Variants in AK7 observed in about 807,000 individuals in gnomAD.
AK7 encodes the protein adenylate kinase 7.
A neutral mutation model predicts 96.6 loss-of-function variants in AK7; 78 were observed. That is an observed-to-expected ratio of 0.81 (90% confidence interval 0.67 to 0.97). The LOEUF is 0.97. Ranked by LOEUF, AK7 falls within the 50% of genes least tolerant of loss-of-function variation. The probability of loss-of-function intolerance (pLI) is 0.00; values close to 1 mark genes in which losing one functional copy is unlikely to be tolerated. For synonymous variants in AK7, 302 were observed against 317.2 expected, an observed-to-expected ratio of 0.95 and a Z score of 0.51; for missense variants, 855 against 887.9, an observed-to-expected ratio of 0.96 and a Z score of 0.47.
chr14:96,432,828 C>CAAAA (rs569057680), intron 5 of AK7, among the ~76,000 whole-genome samples: 19 of 125,990 alleles, frequency 1.5e-4, no homozygotes, highest in African/African-American at 3.3e-4. Flanking sequence ...ACTAAAAATA[C>CAAAA]AAAAAAAAAA....
chr14:96,452,871 G>A (rs1893687404), intron 10 of AK7, among the ~76,000 whole-genome samples: 3 of 152,170 alleles, frequency 2.0e-5, no homozygotes, highest in Admixed American at 2.0e-4. Context: ...TAACTGCAGG[G>A]CCGCCACACC....
chr14:96,421,073 T>A, intron 5 of AK7, 141 bp downstream of exon 5: 1 of 548,526 alleles, frequency 1.8e-6, no homozygotes. Flanking sequence ...CTGGCCCAGG[T>A]TCTGGTCCAG....
intron 5 of AK7, among the ~76,000 whole-genome samples, chr14:96,430,914 TG>T (rs1342333187): frequency 6.6e-6 from 1 of 152,186 alleles, no homozygotes; most frequent in Admixed American, 6.6e-5. Context: ...GGACTATTTT[TG>T]GTTGGTAGAC....
intron 12 of AK7, among the ~76,000 whole-genome samples, chr14:96,460,415 G>A (rs1044742604): frequency 1.3e-5 from 2 of 152,028 alleles, no homozygotes; most frequent in Non-Finnish European, 2.9e-5. Flanking sequence ...GATCCTCCAG[G>A]GATCAAGGAC....
Position 96,434,779 on chromosome 14 carries a change from T to C in AK7, c.610-3056T>C, listed in dbSNP as rs1892550255. 1.3e-5 allele frequency among the ~76,000 whole-genome samples: 2 copies of C among 152,176 alleles called. 1 individual carries two copies. Among genetic ancestry groups the C allele is most frequent in the South Asian group, 4.1e-4 (2 of 4,834 alleles). On this transcript the variant is annotated intron_variant, in intron 5 of 17. Coordinates refer to ENST00000267584, the MANE Select transcript of AK7 (RefSeq NM_152327.5). Reference sequence around the variant, plus strand: ...AAGTCTACCTGGCGTTCTATTGTATTGCGGCTGAGCTAGCACTCACACCAC... The same window carrying C: ...AAGTCTACCTGGCGTTCTATTGTATCGCGGCTGAGCTAGCACTCACACCAC...
chr14:96,418,926 T>C (rs1296075006), intron 4 of AK7, among the ~76,000 whole-genome samples: 1 of 152,244 alleles, frequency 6.6e-6, no homozygotes, highest in Non-Finnish European at 1.5e-5. Context: ...TGTATTGTGA[T>C]TGAAAGGTTC....
intron 1 of AK7, 49 bp downstream of exon 1, chr14:96,392,308 G>T (rs1340477053): frequency 6.6e-7 from 1 of 1,524,740 alleles, no homozygotes; most frequent in South Asian, 1.1e-5. Flanking sequence ...TCAGCTCCCA[G>T]CCCTCGGCCC....
rs570376981 is a variant in AK7, at chr14:96,392,336, C to A, written c.105+77C>A. ...CTCGGCCCCCGGTCCGCAAACCCAGCGAGGGTCTGCGCCCCAGGGCGCTGT... is the reference window on the plus strand; with the variant it reads ...CTCGGCCCCCGGTCCGCAAACCCAGAGAGGGTCTGCGCCCCAGGGCGCTGT... On this transcript the variant is annotated intron_variant, in intron 1 of 17. Coordinates refer to ENST00000267584, the MANE Select transcript of AK7 (RefSeq NM_152327.5). 7.1e-5 allele frequency: 94 copies of A among 1,321,950 alleles called. 2 individuals carry two copies. The highest frequency in any genetic ancestry group is 6.1e-4 in the East Asian group (26 of 42,562). The allele number at this position is 1,321,950 out of a possible 1,614,324, so 81.9% of individuals were successfully genotyped here. A position where few individuals can be genotyped will look rare whatever the true frequency, so the allele number is the denominator to read the frequency against.
intron 7 of AK7, 43 bp downstream of exon 7, chr14:96,442,861 A>T: frequency 6.4e-7 from 1 of 1,554,706 alleles, no homozygotes; most frequent in South Asian, 1.1e-5. Flanking sequence ...GAATTGGTTA[A>T]TGTGTTTGTT....
At chr14:96,423,649 C>A in intron 5 of AK7, 1 of 613,828 alleles carries the variant, frequency 1.6e-6, no homozygotes, top group Non-Finnish European at 3.1e-6. Flanking sequence ...AACTGGAGAA[C>A]ACAGCTCGGG....
intron 5 of AK7, among the ~76,000 whole-genome samples, chr14:96,433,524 G>T (rs1224310028): frequency 6.6e-6 from 1 of 151,286 alleles, no homozygotes; most frequent in African/African-American, 2.4e-5. Flanking sequence ...GCTCCTTCAG[G>T]TCATTTAAGG....
At chr14:96,449,976 C>T (rs1893497316) in intron 9 of AK7, 97 bp downstream of exon 9, 1 of 963,010 alleles carries the variant, frequency 1.0e-6, no homozygotes, top group East Asian at 2.7e-5. Flanking sequence ...GGCTAAATAA[C>T]ATTGATCTGT....
chr14:96,432,987 G>A (rs577076741), intron 5 of AK7, among the ~76,000 whole-genome samples: 1 of 152,154 alleles, frequency 6.6e-6, no homozygotes, highest in Non-Finnish European at 1.5e-5. Flanking sequence ...GAATGATGTT[G>A]AATATTGGCC....
chr14:96,418,811 G>A (rs886301924), intron 4 of AK7, among the ~76,000 whole-genome samples: 2 of 152,166 alleles, frequency 1.3e-5, no homozygotes, highest in African/African-American at 2.4e-5. Context: ...GGGCCACCTC[G>A]CCTAGCCTCA....
chr14:96,444,863 G>A (rs1418383178), intron 7 of AK7, among the ~76,000 whole-genome samples: 2 of 152,040 alleles, frequency 1.3e-5, no homozygotes, highest in East Asian at 1.9e-4. Flanking sequence ...GACTACAGGC[G>A]CCGGCCACCA....
At position 96,486,955 on chromosome 14, in the gene AK7, A is replaced by G; in HGVS notation, c.2032A>G (p.Ile678Val). ...EERELLEAQS[I>V]PLRNYLMTYV... Reference sequence around the variant, plus strand: ...AAGAGAATTACTGGAGGCTCAGTCAATTCCCCTGAGAAACTATTTAATGAC... The same window carrying G: ...AAGAGAATTACTGGAGGCTCAGTCAGTTCCCCTGAGAAACTATTTAATGAC... The change falls in exon 17 of 18, where the codon ATT becomes GTT. Residue 678 changes from isoleucine to valine, a missense_variant. Coordinates refer to ENST00000267584, the MANE Select transcript of AK7 (RefSeq NM_152327.5). 6.2e-7 allele frequency: 1 copy of G among 1,614,110 alleles called. No homozygotes were observed. The highest frequency in any genetic ancestry group is 1.6e-4 in the Middle Eastern group (1 of 6,062).
chr14:96,392,341 G>T (rs1025303055), intron 1 of AK7, 82 bp downstream of exon 1: 3 of 1,309,132 alleles, frequency 2.3e-6, no homozygotes, highest in Admixed American at 2.0e-5. Flanking sequence ...CCCAGCGAGG[G>T]TCTGCGCCCC....
At chr14:96,396,708 A>G (rs1422258784) in intron 1 of AK7, among the ~76,000 whole-genome samples, 4 of 152,260 alleles carry the variant, frequency 2.6e-5, no homozygotes, top group East Asian at 1.9e-4. Flanking sequence ...TTGTTGACAT[A>G]TATAAGTAAG....
intron 4 of AK7, among the ~76,000 whole-genome samples, chr14:96,415,781 T>TTTAATACATTAATTAATTAAATTAAA (rs1566768583): frequency 6.7e-5 from 10 of 149,254 alleles, no homozygotes; most frequent in Non-Finnish European, 1.3e-4. Flanking sequence ...ATTAAATTAA[T>TTTAATACATTAATTAATTAAATTAAA]TTAATACATT....
Sources: gnomAD v4.1 joint callset for allele counts (sites outside exome capture counted in the v4.1 genomes callset) on GRCh38, gnomAD v4.1.1 for gene constraint, MANE v1.5 for transcripts, NCBI Gene and HGNC (gene_info 2026-07-23, HGNC 2026-07-21) for gene names.